SASH1: variants seen among roughly 807,000 people sequenced by gnomAD.
SASH1 encodes the protein SAM and SH3 domain-containing protein 1.
Under a neutral mutation model 125.2 loss-of-function variants are expected in SASH1, and 44 were observed. The ratio of observed to expected loss-of-function variants is 0.35; its 90% CI spans 0.28 to 0.45. The LOEUF (loss-of-function observed/expected upper bound fraction) is 0.45, where lower values mean the gene tolerates loss of function less well. SASH1 is among the 20% of genes least tolerant of loss of function. SASH1 has a pLI of 1.00. For missense variants in SASH1, 1,426 were observed against 1,614.5 expected (o/e 0.88, Z 2.00); for synonymous variants, 639 against 649.1 (o/e 0.98, Z 0.24).
At chr6:148,240,648 C>A in the SASH1 span, among the ~76,000 whole-genome samples, 1 of 152,120 alleles carries the variant, frequency 6.6e-6, no homozygotes, top group Non-Finnish European at 1.5e-5. Context: ...TCCCTCATAC[C>A]ACATGCATTT....
At chr6:148,222,785 T>C in the SASH1 span, among the ~76,000 whole-genome samples, 1 of 149,470 alleles carries the variant, frequency 6.7e-6, no homozygotes, top group Non-Finnish European at 1.5e-5. Flanking sequence ...TCGATCTCTC[T>C]CTCTCTCTCT....
Position 148,343,099 on chromosome 6 carries a change from C to G in SASH1, c.32C>G (p.Pro11Arg), listed in dbSNP as rs754192077. The change falls in exon 1 of 20, where the codon CCG becomes CGG. Residue 11 changes from proline (P) to arginine (R), a missense_variant. By Grantham distance (103) the Pro-to-Arg change is moderately radical. Coordinates refer to ENST00000367467, the MANE Select transcript of SASH1 (RefSeq NM_015278.5). The stretch of plus-strand genomic sequence containing the variant: ...GACGCGGGAGCAGCTGGCCCGGGGC[C>G]GGAGCCTGAGCCCGAGCCCGAGCCG... MEDAGAAGPG[P>R]EPEPEPEPEP... 2 of 1,562,252 alleles carry G rather than the reference C, an allele frequency of 1.3e-6. No individual in the cohort carries two copies. Among genetic ancestry groups the G allele is most frequent in the Non-Finnish European group, 1.7e-6 (2 of 1,161,528 alleles).
chr6:148,403,960 A>G (rs774545858), intron 2 of SASH1, among the ~76,000 whole-genome samples: 1 of 152,194 alleles, frequency 6.6e-6, no homozygotes, highest in Non-Finnish European at 1.5e-5. Context: ...ATTCCATAGT[A>G]CTTTGAATGC....
At chr6:148,199,077 G>A in the SASH1 span, among the ~76,000 whole-genome samples, 1 of 152,150 alleles carries the variant, frequency 6.6e-6, no homozygotes, top group African/African-American at 2.4e-5. Flanking sequence ...ATATCAGTAC[G>A]GGGATGAGAA....
At chr6:148,383,534 A>G (rs1783238949) in intron 1 of SASH1, among the ~76,000 whole-genome samples, 1 of 152,182 alleles carries the variant, frequency 6.6e-6, no homozygotes, top group South Asian at 2.1e-4. Context: ...GGAAAACTTT[A>G]TAGATACATA....
chr6:148,363,426 G>T (rs1470061945), intron 1 of SASH1, among the ~76,000 whole-genome samples: 1 of 151,732 alleles, frequency 6.6e-6, no homozygotes, highest in Non-Finnish European at 1.5e-5. Flanking sequence ...TTTTGAGATG[G>T]AGTCTTGGTC....
intron 1 of SASH1, among the ~76,000 whole-genome samples, chr6:148,376,638 C>T (rs963689736): frequency 6.6e-6 from 1 of 151,276 alleles, no homozygotes; most frequent in Non-Finnish European, 1.5e-5. Context: ...GAGGCAAGAG[C>T]ATCACATTGA....
chr6:148,540,703 A>G (rs903454602), intron 17 of SASH1, 147 bp downstream of exon 17: 14 of 634,970 alleles, frequency 2.2e-5, no homozygotes, highest in Non-Finnish European at 3.4e-5. Flanking sequence ...AGTCCAAGTT[A>G]GCCTCCCTAT....
At chr6:148,434,629 A>G (rs1253314584) in intron 2 of SASH1, among the ~76,000 whole-genome samples, 1 of 152,230 alleles carries the variant, frequency 6.6e-6, no homozygotes, top group East Asian at 1.9e-4. Flanking sequence ...ATTCTTAACT[A>G]AGGTATCCAT....
At chr6:148,343,268 G>C in intron 1 of SASH1, 45 bp downstream of exon 1, 1 of 1,531,592 alleles carries the variant, frequency 6.5e-7, no homozygotes, top group Non-Finnish European at 8.8e-7. Flanking sequence ...ACAGTTCGCA[G>C]CAGCCCCTCT....
At chr6:148,291,132 G>A (rs906806226) in intron 1 of SASH1, among the ~76,000 whole-genome samples, 1 of 151,586 alleles carries the variant, frequency 6.6e-6, no homozygotes, top group Non-Finnish European at 1.5e-5. Flanking sequence ...ATTAGGACAT[G>A]GCAAAAATCA....
At chr6:148,196,124 T>C in the SASH1 span, among the ~76,000 whole-genome samples, 1 of 152,224 alleles carries the variant, frequency 6.6e-6, no homozygotes, top group African/African-American at 2.4e-5. Context: ...TCAAGAGTTC[T>C]CTCATCATTT....
At chr6:148,387,588 C>G in intron 1 of SASH1, among the ~76,000 whole-genome samples, 1 of 7,530 alleles carries the variant, frequency 1.3e-4, no homozygotes, top group Non-Finnish European at 2.4e-4. Flanking sequence ...TTCTTTCTTT[C>G]TTTCTTTCTT....
intron 2 of SASH1, among the ~76,000 whole-genome samples, chr6:148,404,281 T>A (rs1174858401): frequency 6.6e-6 from 1 of 152,198 alleles, no homozygotes; most frequent in Admixed American, 6.5e-5. Context: ...ACATAAAATA[T>A]GTTAACAAGT....
At chr6:148,350,273 C>T (rs913705205) in intron 1 of SASH1, among the ~76,000 whole-genome samples, 12 of 152,052 alleles carry the variant, frequency 7.9e-5, no homozygotes, top group Non-Finnish European at 1.8e-4. Flanking sequence ...GGTAACATAG[C>T]GAGATCTCAT....
intron 2 of SASH1, among the ~76,000 whole-genome samples, chr6:148,402,564 C>T (rs1404137481): frequency 6.6e-6 from 1 of 151,782 alleles, no homozygotes; most frequent in Non-Finnish European, 1.5e-5. Context: ...CTGCCTTGGC[C>T]TCCCAAAGTG....
chr6:148,343,299 CG>C (rs1562336335), intron 1 of SASH1, 76 bp downstream of exon 1: 1 of 1,437,060 alleles, frequency 7.0e-7, no homozygotes, highest in African/African-American at 1.4e-5. Context: ...GCTCCCTTCT[CG>C]CCCACCCACT....
At chr6:148,368,770 G>GCGCGCGCACACA (rs1554245330) in intron 1 of SASH1, among the ~76,000 whole-genome samples, 1 of 135,644 alleles carries the variant, frequency 7.4e-6, no homozygotes, top group African/African-American at 2.7e-5. Context: ...GCACGCGCGC[G>GCGCGCGCACACA]CACACACACA....
chr6:148,424,271 G>A (rs1248910938), intron 2 of SASH1, among the ~76,000 whole-genome samples: 1 of 150,462 alleles, frequency 6.6e-6, no homozygotes, highest in Non-Finnish European at 1.5e-5. Context: ...ACAGGGTCTC[G>A]CTCTGTCACC....
Sources: allele counts gnomAD v4.1 joint callset (sites outside exome capture counted in the v4.1 genomes callset), GRCh38; gene constraint gnomAD v4.1.1; transcripts MANE v1.5; gene names NCBI Gene and HGNC (gene_info 2026-07-23, HGNC 2026-07-21).